Variants in SNTG1 observed in about 807,000 individuals in gnomAD.
SNTG1 encodes the protein gamma-1-syntrophin.
In SNTG1, 39 loss-of-function variants were observed where a neutral mutation model predicts 74.7. That is an observed-to-expected ratio of 0.52 (90% CI 0.40 to 0.68). The LOEUF (loss-of-function observed/expected upper bound fraction) is 0.68, where lower values mean the gene tolerates loss of function less well. Among genes scored for constraint, SNTG1 ranks in the 30% least tolerant of loss-of-function variants. The pLI, the probability that SNTG1 is intolerant of heterozygous loss-of-function variation, is 0.00. For missense variants in SNTG1, 685 were observed against 609.5 expected, an observed-to-expected ratio of 1.12 and a Z score of -1.30; for synonymous variants, 254 against 217.1, an observed-to-expected ratio of 1.17 and a Z score of -1.49.
intron 8 of SNTG1, among the ~76,000 whole-genome samples, chr8:50,465,098 A>G (rs1336040338): frequency 6.6e-6 from 1 of 152,156 alleles, no homozygotes; most frequent in East Asian, 1.9e-4. Flanking sequence ...ACACATTTCT[A>G]TATGTAACTA....
intron 1 of SNTG1, among the ~76,000 whole-genome samples, chr8:50,017,814 T>A (rs1369346830): frequency 6.6e-6 from 1 of 151,926 alleles, no homozygotes; most frequent in Admixed American, 6.6e-5. Flanking sequence ...CTAAACAATT[T>A]ATTTGACGAT....
At chr8:50,761,603 A>AAT (rs2095599168) in intron 18 of SNTG1, among the ~76,000 whole-genome samples, 1 of 148,232 alleles carries the variant, frequency 6.7e-6, no homozygotes, top group African/African-American at 2.5e-5. Context: ...TGCCTGAGCT[A>AAT]TTTTTTTTTT....
At chr8:50,370,035 C>CTTATAA (rs1380442515) in intron 2 of SNTG1, among the ~76,000 whole-genome samples, 1 of 152,064 alleles carries the variant, frequency 6.6e-6, no homozygotes, top group Non-Finnish European at 1.5e-5. Flanking sequence ...CCTAATCAAC[C>CTTATAA]ATTTATAAGA....
chr8:50,054,686 T>G (rs186813987), intron 1 of SNTG1, among the ~76,000 whole-genome samples: 1 of 152,190 alleles, frequency 6.6e-6, no homozygotes, highest in Non-Finnish European at 1.5e-5. Flanking sequence ...ATTTATTTAT[T>G]TTTGAGTTGG....
chr8:50,038,064 C>T (rs934716824), intron 1 of SNTG1, among the ~76,000 whole-genome samples: 1 of 152,184 alleles, frequency 6.6e-6, no homozygotes, highest in South Asian at 2.1e-4. Context: ...AGACTTCCAC[C>T]TCAGCCTTGT....
At chr8:50,234,676 G>A (rs1272402916) in intron 2 of SNTG1, among the ~76,000 whole-genome samples, 1 of 151,984 alleles carries the variant, frequency 6.6e-6, no homozygotes, top group African/African-American at 2.4e-5. Flanking sequence ...ATTAAAATGT[G>A]TTACATCTAT....
At chr8:50,214,850 C>A (rs1209692193) in intron 2 of SNTG1, among the ~76,000 whole-genome samples, 1 of 152,100 alleles carries the variant, frequency 6.6e-6, no homozygotes, top group Admixed American at 6.6e-5. Flanking sequence ...ACTCCAGTAC[C>A]CTGACAAAGC....
intron 8 of SNTG1, among the ~76,000 whole-genome samples, chr8:50,469,817 A>T (rs1367338939): frequency 1.3e-5 from 2 of 152,144 alleles, no homozygotes; most frequent in Non-Finnish European, 2.9e-5. Context: ...CGTCTCTACT[A>T]AAAATACAAA....
intron 13 of SNTG1, among the ~76,000 whole-genome samples, chr8:50,627,208 A>AT (rs1242635784): frequency 3.9e-5 from 6 of 152,060 alleles, no homozygotes; most frequent in Admixed American, 6.6e-5. Flanking sequence ...GTTTTCTGTG[A>AT]TTTTTTGTAG....
chr8:50,780,470 G>C (rs906591967), intron 18 of SNTG1, among the ~76,000 whole-genome samples: 4 of 152,142 alleles, frequency 2.6e-5, no homozygotes. Context: ...ATTTCTTCTA[G>C]ATTTTCTAGT....
intron 13 of SNTG1, among the ~76,000 whole-genome samples, chr8:50,632,062 T>C (rs2095002282): frequency 1.3e-5 from 2 of 152,146 alleles, no homozygotes; most frequent in South Asian, 4.1e-4. Flanking sequence ...TACTGTGCTG[T>C]TTAGGAAACA....
chr8:50,721,431 G>A (rs868400971), intron 17 of SNTG1, among the ~76,000 whole-genome samples: 41 of 152,148 alleles, frequency 2.7e-4, no homozygotes, highest in Non-Finnish European at 5.1e-4. Context: ...TTCACATATG[G>A]TGGAGACAAA....
chr8:50,358,852 G>A (rs1169098902), intron 2 of SNTG1, among the ~76,000 whole-genome samples: 2 of 152,162 alleles, frequency 1.3e-5, no homozygotes, highest in Non-Finnish European at 2.9e-5. Context: ...ATCATCAAGT[G>A]TGACAATAAA....
intron 1 of SNTG1, among the ~76,000 whole-genome samples, chr8:49,950,293 A>G (rs1329621691): frequency 2.6e-5 from 4 of 152,204 alleles, no homozygotes; most frequent in Non-Finnish European, 5.9e-5. Context: ...TTATCATCTC[A>G]AAGTCCCATG....
At chr8:50,354,103 G>A (rs1312918844) in intron 2 of SNTG1, among the ~76,000 whole-genome samples, 3 of 152,126 alleles carry the variant, frequency 2.0e-5, no homozygotes, top group Admixed American at 6.5e-5. Context: ...GTGCCTTCTT[G>A]TCCATATCCA....
rs766054128 is a variant in SNTG1 at position 50,006,854 on chromosome 8, G to A, written c.-103+94623G>A. Among the ~76,000 whole-genome samples the A allele has an allele frequency of 2.6e-5, 4 of 152,282 alleles. No homozygotes were observed. The East Asian group carries it at 7.8e-4, about 30-fold the overall frequency. ...GCTACGTCTGCCAGTTGAAAAAGTG[G>A]AATGATGAGGAGAACCTCTCAGGCT... On this transcript the variant is annotated intron_variant, in intron 1 of 18. Coordinates refer to ENST00000642720, the MANE Select transcript of SNTG1 (RefSeq NM_018967.5).
intron 15 of SNTG1, among the ~76,000 whole-genome samples, chr8:50,695,216 C>CA (rs919643434): frequency 1.1e-4 from 17 of 150,514 alleles, no homozygotes; most frequent in South Asian, 4.2e-4. Flanking sequence ...CACACACACA[C>CA]AAAAAAAACC....
chr8:50,437,547 A>C (rs1175879136), intron 4 of SNTG1, among the ~76,000 whole-genome samples: 1 of 152,172 alleles, frequency 6.6e-6, no homozygotes, highest in Non-Finnish European at 1.5e-5. Context: ...TGAGGGAAGC[A>C]ATTCATCTGT....
chr8:50,609,655 C>T (rs1382704825), intron 13 of SNTG1, among the ~76,000 whole-genome samples: 2 of 152,082 alleles, frequency 1.3e-5, no homozygotes, highest in Non-Finnish European at 2.9e-5. Context: ...CTTAGACTAT[C>T]AATACACATG....
Sources: gnomAD v4.1 joint callset for allele counts (sites outside exome capture counted in the v4.1 genomes callset) on GRCh38, gnomAD v4.1.1 for gene constraint, MANE v1.5 for transcripts, NCBI Gene and HGNC (gene_info 2026-07-23, HGNC 2026-07-21) for gene names.